Variants in ADD3 observed in about 807,000 individuals in gnomAD.
ADD3 encodes the protein adducin 3, also known as gamma-adducin.
ADD3 carries 25 observed loss-of-function variants against 80.2 expected under a neutral mutation model. The observed-to-expected ratio is 0.31, with a 90% CI of 0.23 to 0.44. The LOEUF (loss-of-function observed/expected upper bound fraction) is 0.44, where lower values mean the gene tolerates loss of function less well. Ranked by LOEUF, ADD3 falls within the 20% of genes least tolerant of loss-of-function variation. ADD3 has a pLI of 1.00. For missense variants in ADD3, 829 were observed against 847.5 expected (o/e 0.98, Z 0.27); for synonymous variants, 284 against 289.6 (o/e 0.98, Z 0.20).
intron 1 of ADD3, among the ~76,000 whole-genome samples, chr10:110,026,956 G>T (rs1377704922): frequency 1.3e-5 from 2 of 151,964 alleles, no homozygotes; most frequent in Non-Finnish European, 2.9e-5. Context: ...TCTTCTGGCT[G>T]GGTCCCAAAA....
intron 5 of ADD3, 80 bp from the exon 6 acceptor site, chr10:110,118,507 G>A: frequency 7.9e-7 from 1 of 1,273,264 alleles, no homozygotes; most frequent in East Asian, 2.3e-5. Context: ...AAAAAGGTTT[G>A]CTACCCCCTG....
chr10:110,051,748 G>C (rs565196233), intron 1 of ADD3, among the ~76,000 whole-genome samples: 1 of 152,316 alleles, frequency 6.6e-6, no homozygotes, highest in East Asian at 1.9e-4. Context: ...AGGAGTTCAA[G>C]GTTGAGAGGA....
chr10:110,053,715 T>C (rs1181328930), intron 1 of ADD3, among the ~76,000 whole-genome samples: 1 of 152,160 alleles, frequency 6.6e-6, no homozygotes, highest in East Asian at 1.9e-4. Context: ...TTCTCATCAA[T>C]AGGTAAAATA....
At chr10:109,996,705 T>A (rs948543197) in intron 1 of ADD3, among the ~76,000 whole-genome samples, 1 of 152,230 alleles carries the variant, frequency 6.6e-6, no homozygotes, top group Admixed American at 6.5e-5. Flanking sequence ...GAAAGTTTAG[T>A]CTGAAGGTAG....
Position 110,056,838 on chromosome 10 carries a change from A to G in ADD3, c.-29-43787A>G, listed in dbSNP as rs185634231. 1.4e-3 allele frequency among the ~76,000 whole-genome samples: 219 copies of G among 152,276 alleles called. 2 individuals are homozygous for G. Among genetic ancestry groups the G allele is most frequent in the Non-Finnish European group, 6.0e-4 (41 of 68,002 alleles). Reference sequence around the variant, plus strand: ...ACCTTCCTCAAAAGTACCCTTAACCATGCACCTGGAGCAAAGGAAAAACCC... The same window carrying G: ...ACCTTCCTCAAAAGTACCCTTAACCGTGCACCTGGAGCAAAGGAAAAACCC... On this transcript the variant is annotated intron_variant, in intron 1 of 14. Coordinates refer to ENST00000356080, the MANE Select transcript of ADD3 (RefSeq NM_016824.5).
At position 110,132,316 on chromosome 10, in the gene ADD3, G is replaced by A. The variant is rs752879656; in HGVS notation, c.1744G>A (p.Glu582Lys). The change falls in exon 14 of 15, where the codon GAA (glutamate) becomes AAA (lysine). Residue 582 changes from glutamate to lysine, a missense_variant. Transcript: ENST00000356080. ...KQQGLEDAEQELLSDDASSVS... is the reference protein window; with the variant it reads ...KQQGLEDAEQKLLSDDASSVS... ...CTCTTATCCAACAGATGCTGAGCAG[G>A]AATTACTCTCAGATGACGCTTCATC... 1 of 1,612,724 alleles carries A rather than the reference G, an allele frequency of 6.2e-7. No homozygotes were observed. The highest frequency in any genetic ancestry group is 8.5e-7 in the Non-Finnish European group (1 of 1,179,108).
rs1381316121 is a variant in ADD3, at chr10:110,124,135, C to T, written c.1262C>T (p.Pro421Leu). The T allele has an allele frequency of 6.2e-7, 1 of 1,614,110 alleles. No homozygotes were observed. Reference sequence around the variant, plus strand: ...TTTTCCTTTGAAGACGATACAGTGCCACTCTCTCCTCTCAAATACATGGCA... The same window carrying T: ...TTTTCCTTTGAAGACGATACAGTGCTACTCTCTCCTCTCAAATACATGGCA... The part of the protein sequence containing the change: ...TAFSFEDDTV[P>L]LSPLKYMAQR... The change falls in exon 10 of 15, where the codon CCA becomes CTA. Residue 421 changes from proline (P) to leucine (L), a missense_variant. Coordinates refer to ENST00000356080, the MANE Select transcript of ADD3 (RefSeq NM_016824.5).
chr10:110,131,823 A>G (rs1241499654), intron 13 of ADD3, among the ~76,000 whole-genome samples: 1 of 152,186 alleles, frequency 6.6e-6, no homozygotes, highest in Non-Finnish European at 1.5e-5. Flanking sequence ...CCTTTTTTAT[A>G]TAACTTTATA....
intron 1 of ADD3, among the ~76,000 whole-genome samples, chr10:110,089,915 G>A (rs1847257622): frequency 6.6e-6 from 1 of 151,988 alleles, no homozygotes; most frequent in Non-Finnish European, 1.5e-5. Flanking sequence ...ATTGTAATTG[G>A]TAAATTTGAC....
intron 1 of ADD3, among the ~76,000 whole-genome samples, chr10:109,997,730 A>G (rs1851408298): frequency 6.6e-6 from 1 of 152,238 alleles, no homozygotes; most frequent in Non-Finnish European, 1.5e-5. Flanking sequence ...TGCCACTGAA[A>G]TGTAGTTTCT....
intron 1 of ADD3, among the ~76,000 whole-genome samples, chr10:110,063,780 T>TATATAA (rs1554927136): frequency 8.9e-6 from 1 of 112,572 alleles, no homozygotes; most frequent in East Asian, 2.7e-4. Flanking sequence ...TATATATATA[T>TATATAA]ATAAAGTGAA....
intron 1 of ADD3, among the ~76,000 whole-genome samples, chr10:110,073,621 TA>T (rs1845042926): frequency 6.6e-6 from 1 of 152,228 alleles, no homozygotes; most frequent in African/African-American, 2.4e-5. Flanking sequence ...AGTTGGTTTT[TA>T]ATCTTTTTAG....
At chr10:110,044,862 A>C (rs1319958346) in intron 1 of ADD3, among the ~76,000 whole-genome samples, 1 of 152,254 alleles carries the variant, frequency 6.6e-6, no homozygotes, top group Non-Finnish European at 1.5e-5. Context: ...CTATGTGTAT[A>C]ACTATGCATA....
At chr10:110,007,400 G>A (rs116042499), upstream of ADD3, among the ~76,000 whole-genome samples, 1,889 of 152,320 alleles carry the variant, frequency 0.012, 39 homozygotes, top group African/African-American at 0.04. Context: ...TTGAACCTTT[G>A]CAGTGGCCTC....
intron 1 of ADD3, among the ~76,000 whole-genome samples, chr10:110,020,080 T>G (rs1294167834): frequency 6.6e-6 from 1 of 152,246 alleles, no homozygotes; most frequent in Non-Finnish European, 1.5e-5. Context: ...CACTCTCATC[T>G]GAACTTTATT....
intron 1 of ADD3, chr10:110,075,705 A>T (rs935492678): frequency 2.0e-5 from 3 of 152,212 alleles, no homozygotes; most frequent in African/African-American, 7.2e-5. Flanking sequence ...TATAATAACC[A>T]ACTGGTAACT....
At position 110,038,712 on chromosome 10, in the gene ADD3, T is replaced by G. The variant is rs188428205; in HGVS notation, c.-30+30413T>G. ...TCGATAATTCTCCAAAGAATTTACC[T>G]ACAGAGTCCAAATGTGAAAAGTTAA... On this transcript the variant is annotated intron_variant, in intron 1 of 14. Coordinates refer to ENST00000356080, the MANE Select transcript of ADD3 (RefSeq NM_016824.5). Among the ~76,000 whole-genome samples, 56 of 152,340 alleles carry G rather than the reference T, an allele frequency of 3.7e-4. 1 individual carries two copies. The East Asian group carries it at 0.01, about 28-fold the overall frequency.
At chr10:110,025,034 C>A (rs10160054) in intron 1 of ADD3, among the ~76,000 whole-genome samples, 2,452 of 151,642 alleles carry the variant, frequency 0.016, 63 homozygotes, top group African/African-American at 0.053. Context: ...GCTGGAGTTA[C>A]AGGCGTGCGC....
intron 1 of ADD3, among the ~76,000 whole-genome samples, chr10:110,055,688 CTGTGTCCT>C (rs1042554463): frequency 6.6e-6 from 1 of 152,198 alleles, no homozygotes; most frequent in Non-Finnish European, 1.5e-5. Context: ...CTTAGTAACT[CTGTGTCCT>C]TGAGTAAATC....
Sources: gnomAD v4.1 joint callset for allele counts (sites outside exome capture counted in the v4.1 genomes callset) on GRCh38, gnomAD v4.1.1 for gene constraint, MANE v1.5 for transcripts, NCBI Gene and HGNC (gene_info 2026-07-23, HGNC 2026-07-21) for gene names.